PKN2: variants seen among roughly 807,000 people sequenced by gnomAD.
PKN2 encodes the protein serine/threonine-protein kinase N2.
A neutral mutation model predicts 119.1 loss-of-function variants in PKN2; 38 were observed. The observed-to-expected ratio is 0.32, with a 90% CI of 0.25 to 0.42. The LOEUF (loss-of-function observed/expected upper bound fraction) is 0.42, where lower values mean the gene tolerates loss of function less well. Ranked by LOEUF, PKN2 falls within the 10% of genes least tolerant of loss-of-function variation. The probability of loss-of-function intolerance (pLI) is 1.00; values close to 1 mark genes in which losing one functional copy is unlikely to be tolerated. For synonymous variants in PKN2, 390 were observed against 384.9 expected (o/e 1.01, Z -0.15); for missense variants, 850 against 1,165.1 (o/e 0.73, Z 3.94).
chr1:88,781,398 G>T (rs1670337132), intron 6 of PKN2, among the ~76,000 whole-genome samples: 1 of 147,004 alleles, frequency 6.8e-6, no homozygotes, highest in Non-Finnish European at 1.5e-5. Flanking sequence ...ATCATACCAT[G>T]ATGAAATACT....
At chr1:88,803,797 G>A in intron 8 of PKN2, among the ~76,000 whole-genome samples, 1 of 152,152 alleles carries the variant, frequency 6.6e-6, no homozygotes, top group Middle Eastern at 3.4e-3. Context: ...ATAAAGCTTG[G>A]TCTGAATTTC....
intron 16 of PKN2, among the ~76,000 whole-genome samples, chr1:88,816,437 G>A (rs1448562760): frequency 1.3e-5 from 2 of 150,986 alleles, no homozygotes; most frequent in African/African-American, 4.9e-5. Context: ...AGTAGAGACG[G>A]GGTTTCACTC....
chr1:88,761,712 T>A (rs1669450663), intron 3 of PKN2, among the ~76,000 whole-genome samples: 1 of 152,092 alleles, frequency 6.6e-6, no homozygotes, highest in South Asian at 2.1e-4. Context: ...AACATTAGAT[T>A]TTATGTTATA....
At position 88,755,945 on chromosome 1, in the gene PKN2, G is replaced by A. The variant is rs543538670; in HGVS notation, c.350-4277G>A. On this transcript the variant is annotated intron_variant, in intron 2 of 21. Coordinates refer to ENST00000370521, the MANE Select transcript of PKN2 (RefSeq NM_006256.4). ...TTTTTTTTTTTTGAGATGGAGTCTC[G>A]CTCTGTCACCAGGCTGGAGTTCAGT... Among the ~76,000 whole-genome samples the A allele has an allele frequency of 5.5e-3, 800 of 145,430 alleles. 2 individuals are homozygous for A. Among genetic ancestry groups the A allele is most frequent in the Non-Finnish European group, 8.1e-3 (544 of 66,966 alleles).
chr1:88,704,111 C>T (rs939096762), intron 1 of PKN2, among the ~76,000 whole-genome samples: 1 of 152,082 alleles, frequency 6.6e-6, no homozygotes, highest in Non-Finnish European at 1.5e-5. Context: ...TTTACCACTC[C>T]AAAAGTTTCT....
intron 6 of PKN2, 87 bp from the exon 7 acceptor site, chr1:88,784,552 C>A: frequency 2.7e-6 from 2 of 753,006 alleles, no homozygotes; most frequent in African/African-American, 1.9e-5. Context: ...TTTTTTTTTT[C>A]TTTTTTTGAA....
intron 1 of PKN2, among the ~76,000 whole-genome samples, chr1:88,736,535 T>G (rs1668357395): frequency 6.6e-6 from 1 of 152,092 alleles, no homozygotes; most frequent in African/African-American, 2.4e-5. Flanking sequence ...GGCTAATTTT[T>G]ATATTTTTTA....
At chr1:88,720,162 T>C (rs1405762758) in intron 1 of PKN2, among the ~76,000 whole-genome samples, 1 of 152,018 alleles carries the variant, frequency 6.6e-6, no homozygotes, top group Non-Finnish European at 1.5e-5. Context: ...GCCTCCCGAG[T>C]AGCTGGGACT....
intron 4 of PKN2, among the ~76,000 whole-genome samples, chr1:88,770,869 G>A (rs1190152261): frequency 2.0e-5 from 3 of 150,418 alleles, no homozygotes; most frequent in East Asian, 1.9e-4. Flanking sequence ...ACAGGCGTGA[G>A]CCACCGCGCC....
At chr1:88,822,579 C>CT (rs1248235815) in intron 17 of PKN2, among the ~76,000 whole-genome samples, 5,869 of 135,036 alleles carry the variant, frequency 0.043, 331 homozygotes, top group African/African-American at 0.13. Context: ...ATTATTTAAG[C>CT]TTTTTTTTTT....
chr1:88,731,788 C>G (rs1668152726), intron 1 of PKN2, among the ~76,000 whole-genome samples: 1 of 152,186 alleles, frequency 6.6e-6, no homozygotes, highest in Non-Finnish European at 1.5e-5. Flanking sequence ...TAAACATCCT[C>G]TCCTGTCTCT....
At chr1:88,717,019 G>C (rs1027111138) in intron 1 of PKN2, among the ~76,000 whole-genome samples, 4 of 152,138 alleles carry the variant, frequency 2.6e-5, no homozygotes, top group Non-Finnish European at 4.4e-5. Context: ...GCATTTGCTT[G>C]TCTGTAAAGT....
In PKN2 at chr1:88,833,079, G is replaced by A; in HGVS notation, c.2673G>A (p.Leu891=). ...TTTTTTATTTTACATTATGCTAGCT[G>A]TTAAGAAGAAATCCTGAACGGCGCC... The part of the protein sequence containing the change: ...STEAISIMRR[L]LRRNPERRLG... The change falls in exon 21 of 22, where the codon CTG becomes CTA. Residue 891 remains leucine (L), a splice_region_variant and synonymous_variant. Coordinates refer to ENST00000370521, the MANE Select transcript of PKN2 (RefSeq NM_006256.4). 1 of 1,609,622 alleles carries A rather than the reference G, an allele frequency of 6.2e-7. No individual in the cohort carries two copies. Among genetic ancestry groups the A allele is most frequent in the South Asian group, 1.1e-5 (1 of 90,370 alleles).
At chr1:88,766,719 A>G (rs1242866814) in intron 3 of PKN2, among the ~76,000 whole-genome samples, 1 of 152,208 alleles carries the variant, frequency 6.6e-6, no homozygotes, top group Non-Finnish European at 1.5e-5. Flanking sequence ...TATGTAAACC[A>G]GTCCGTGTAC....
intron 2 of PKN2, among the ~76,000 whole-genome samples, chr1:88,754,200 C>T (rs551891443): frequency 3.6e-4 from 54 of 152,048 alleles, no homozygotes; most frequent in African/African-American, 1.1e-3. Context: ...TATTTTCTTC[C>T]GAAACACCGT....
intron 8 of PKN2, among the ~76,000 whole-genome samples, chr1:88,794,078 G>A (rs933118807): frequency 2.6e-5 from 4 of 151,988 alleles, no homozygotes; most frequent in Admixed American, 6.6e-5. Flanking sequence ...TCTTAAATTC[G>A]ATATACCTGT....
intron 1 of PKN2, among the ~76,000 whole-genome samples, chr1:88,722,989 C>T (rs1238890173): frequency 6.6e-6 from 1 of 152,100 alleles, no homozygotes; most frequent in Non-Finnish European, 1.5e-5. Context: ...GCAGGAGCAT[C>T]TAACCAATAT....
intron 1 of PKN2, among the ~76,000 whole-genome samples, chr1:88,720,826 C>A (rs66823561): frequency 6.6e-6 from 1 of 152,078 alleles, no homozygotes; most frequent in Non-Finnish European, 1.5e-5. Context: ...ATCATTCTTA[C>A]GCCTTTGCAT....
intron 1 of PKN2, among the ~76,000 whole-genome samples, chr1:88,705,537 CAA>C (rs56969212): frequency 2.4e-4 from 36 of 148,368 alleles, no homozygotes; most frequent in South Asian, 6.4e-4. Context: ...ACTAAAAATA[CAA>C]AAAAAAAAAA....
Sources: allele counts gnomAD v4.1 joint callset (sites outside exome capture counted in the v4.1 genomes callset), GRCh38; gene constraint gnomAD v4.1.1; transcripts MANE v1.5; gene names NCBI Gene and HGNC (gene_info 2026-07-23, HGNC 2026-07-21).